Variants in CLVS1 observed in about 807,000 individuals in gnomAD.
The protein encoded by CLVS1 is clavesin 1.
Under a neutral mutation model 33.1 loss-of-function variants are expected in CLVS1, and 10 were observed. The ratio of observed to expected loss-of-function variants is 0.30; its 90% CI spans 0.19 to 0.51. The LOEUF is 0.51. Among genes scored for constraint, CLVS1 ranks in the 20% least tolerant of loss-of-function variants. CLVS1 has a pLI of 0.97. For synonymous variants in CLVS1, 163 were observed against 166.1 expected, an observed-to-expected ratio of 0.98 and a Z score of 0.14; for missense variants, 343 against 433.4, an observed-to-expected ratio of 0.79 and a Z score of 1.85.
At chr8:60,999,016 G>GC in the CLVS1 span, among the ~76,000 whole-genome samples, 1 of 152,172 alleles carries the variant, frequency 6.6e-6, no homozygotes, top group Non-Finnish European at 1.5e-5. Flanking sequence ...AGACAGTCCT[G>GC]CCATTGAGGG....
chr8:61,320,653 T>G (rs1811161937), intron 2 of CLVS1, among the ~76,000 whole-genome samples: 1 of 152,234 alleles, frequency 6.6e-6, no homozygotes, highest in African/African-American at 2.4e-5. Context: ...GCCTGTCTCC[T>G]GGTTCATAGA....
chr8:61,249,062 C>G (rs1201327123), intron 2 of CLVS1, among the ~76,000 whole-genome samples: 1 of 152,070 alleles, frequency 6.6e-6, no homozygotes. Flanking sequence ...TATTCTTCCC[C>G]AAGTCCCCCA....
At chr8:61,271,270 G>A in intron 2 of CLVS1, among the ~76,000 whole-genome samples, 2 of 150,966 alleles carry the variant, frequency 1.3e-5, no homozygotes, top group Non-Finnish European at 3.0e-5. Context: ...ATTTCGTTAT[G>A]TACCCAGTAG....
chr8:61,219,037 G>A (rs1340093119), intron 2 of CLVS1, among the ~76,000 whole-genome samples: 1 of 152,120 alleles, frequency 6.6e-6, no homozygotes, highest in African/African-American at 2.4e-5. Flanking sequence ...ACTAAAATGT[G>A]GCTAATGCTC....
At chr8:61,046,168 A>C in the CLVS1 span, among the ~76,000 whole-genome samples, 1 of 145,660 alleles carries the variant, frequency 6.9e-6, no homozygotes, top group Admixed American at 6.8e-5. Flanking sequence ...TTTTTGTATA[A>C]GGTGTAAGGA....
At chr8:61,302,356 GACAGATTTTT>G (rs1158112221) in intron 2 of CLVS1, among the ~76,000 whole-genome samples, 3 of 152,158 alleles carry the variant, frequency 2.0e-5, no homozygotes, top group African/African-American at 7.2e-5. Context: ...TCACTGATGA[GACAGATTTTT>G]AGGTCTTATG....
At chr8:61,404,307 T>C (rs1271394865) in intron 3 of CLVS1, among the ~76,000 whole-genome samples, 1 of 152,226 alleles carries the variant, frequency 6.6e-6, no homozygotes, top group Non-Finnish European at 1.5e-5. Context: ...TGGGATTGTA[T>C]GTTTCTTGAG....
At chr8:61,043,472 A>G in the CLVS1 span, among the ~76,000 whole-genome samples, 1 of 152,242 alleles carries the variant, frequency 6.6e-6, no homozygotes, top group Admixed American at 6.5e-5. Context: ...AACTATTACA[A>G]ACAACCAAGT....
At chr8:61,085,082 C>T (rs945964611) in intron 1 of CLVS1, among the ~76,000 whole-genome samples, 1 of 152,130 alleles carries the variant, frequency 6.6e-6, no homozygotes, top group Admixed American at 6.6e-5. Flanking sequence ...GATTGAGCAG[C>T]AACTTGAAGA....
At chr8:61,439,095 T>C (rs1816447421) in intron 3 of CLVS1, among the ~76,000 whole-genome samples, 1 of 152,234 alleles carries the variant, frequency 6.6e-6, no homozygotes, top group African/African-American at 2.4e-5. Context: ...GTTCCTTCCA[T>C]CATGCTTCCT....
At chr8:61,081,906 G>T (rs2129282619) in intron 1 of CLVS1, among the ~76,000 whole-genome samples, 1 of 152,238 alleles carries the variant, frequency 6.6e-6, no homozygotes, top group South Asian at 2.1e-4. Context: ...ATCCCATTCA[G>T]CTTTCAATAA....
In CLVS1 at chr8:61,277,337, G is replaced by A. The variant is rs1809577959; in HGVS notation, c.-151-22340G>A. 2.6e-5 allele frequency among the ~76,000 whole-genome samples: 4 copies of A among 152,184 alleles called. No homozygotes were observed. The South Asian group carries it at 8.3e-4, about 31-fold the overall frequency. On this transcript the variant is annotated intron_variant, in intron 2 of 2. Coordinates refer to the CLVS1 transcript ENST00000522621. ...TTCTGCACAAATTGTCCCCAAACCT[G>A]CATTCAGGGCTTGTGTGGACTTCTG... is the stretch of plus-strand genomic sequence containing the variant.
chr8:61,484,822 T>A (rs1384986572), intron 5 of CLVS1, among the ~76,000 whole-genome samples: 1 of 152,124 alleles, frequency 6.6e-6, no homozygotes, highest in Non-Finnish European at 1.5e-5. Context: ...TTGACAAACC[T>A]GACAAAAACA....
chr8:61,044,086 C>T, the CLVS1 span, among the ~76,000 whole-genome samples: 1 of 152,054 alleles, frequency 6.6e-6, no homozygotes, highest in Non-Finnish European at 1.5e-5. Flanking sequence ...TGGAGTTGGA[C>T]CTGAAGCAAG....
chr8:61,009,711 T>C, the CLVS1 span, among the ~76,000 whole-genome samples: 1 of 152,228 alleles, frequency 6.6e-6, no homozygotes, highest in African/African-American at 2.4e-5. Context: ...TTAGGCACTT[T>C]AGGTATCCTA....
At chr8:61,025,131 G>A in the CLVS1 span, among the ~76,000 whole-genome samples, 6 of 152,176 alleles carry the variant, frequency 3.9e-5, no homozygotes, top group African/African-American at 9.7e-5. Flanking sequence ...ACAGGCATGA[G>A]CCACCATGCC....
intron 2 of CLVS1, among the ~76,000 whole-genome samples, chr8:61,251,243 C>G (rs538157466): frequency 3.3e-5 from 5 of 152,252 alleles, no homozygotes; most frequent in East Asian, 1.9e-4. Flanking sequence ...GTTGAACCAG[C>G]CTTGCATCCC....
intron 5 of CLVS1, among the ~76,000 whole-genome samples, chr8:61,462,318 A>G (rs571969706): frequency 6.6e-6 from 1 of 152,234 alleles, no homozygotes; most frequent in Non-Finnish European, 1.5e-5. Context: ...GTCCAGATCC[A>G]TCAGACAAAT....
intron 2 of CLVS1, among the ~76,000 whole-genome samples, chr8:61,311,333 A>G (rs1810824745): frequency 2.6e-5 from 4 of 152,144 alleles, no homozygotes; most frequent in Admixed American, 2.0e-4. Context: ...CCCTCTAACA[A>G]TCTCCTTGTC....
Sources: allele counts gnomAD v4.1 joint callset (sites outside exome capture counted in the v4.1 genomes callset), GRCh38; gene constraint gnomAD v4.1.1; transcripts MANE v1.5; gene names NCBI Gene and HGNC (gene_info 2026-07-23, HGNC 2026-07-21).